Variants in WWOX observed in about 807,000 individuals in gnomAD.
WWOX encodes the protein WW domain-containing oxidoreductase.
Under a neutral mutation model 46.2 loss-of-function variants are expected in WWOX, and 69 were observed. The observed-to-expected ratio is 1.49, with a 90% CI of 1.23 to 1.82. The LOEUF (loss-of-function observed/expected upper bound fraction) is 1.82. Ranked by LOEUF, WWOX falls within the 40% of genes most tolerant of loss-of-function variation. WWOX has a pLI of 0.00. For missense variants in WWOX, 919 were observed against 542.6 expected (o/e 1.69, Z -6.89); for synonymous variants, 359 against 202.6 (o/e 1.77, Z -6.56).
chr16:78,653,397 C>T (rs1407804913), intron 8 of WWOX, among the ~76,000 whole-genome samples: 2 of 152,200 alleles, frequency 1.3e-5, no homozygotes, highest in Admixed American at 6.5e-5. Context: ...GATGACTCCC[C>T]AAAATCCTTT....
intron 8 of WWOX, among the ~76,000 whole-genome samples, chr16:79,106,193 C>T (rs960275875): frequency 1.4e-4 from 22 of 152,196 alleles, no homozygotes; most frequent in African/African-American, 5.1e-4. Flanking sequence ...AGCAAGCCTT[C>T]CAAGAGACTT....
At chr16:78,311,643 A>G (rs1202460826) in intron 5 of WWOX, among the ~76,000 whole-genome samples, 1 of 152,210 alleles carries the variant, frequency 6.6e-6, no homozygotes, top group African/African-American at 2.4e-5. Context: ...ACTTACTTCT[A>G]GTGGTAATGG....
At chr16:78,679,516 A>C (rs1419554301) in intron 8 of WWOX, among the ~76,000 whole-genome samples, 1 of 152,114 alleles carries the variant, frequency 6.6e-6, no homozygotes, top group East Asian at 1.9e-4. Context: ...GCACCACTGC[A>C]CTCCAGCCTG....
chr16:78,632,557 A>ATTT lies in WWOX; in HGVS notation c.1056+199824_1056+199826dup, dbSNP rs545062752. Reference sequence around the variant, plus strand: ...CTCTCTTCCCCCACTTACTTGGCCAATTTTTTTTTTTTTTTTTTTTTGGTG... The same window carrying ATTT: ...CTCTCTTCCCCCACTTACTTGGCCAATTTTTTTTTTTTTTTTTTTTTTTTGGTG... On this transcript the variant is annotated intron_variant, in intron 8 of 8. Transcript: ENST00000566780. Among the ~76,000 whole-genome samples, 32 of 74,740 alleles carry ATTT rather than the reference A, an allele frequency of 4.3e-4. 10 individuals carry two copies. The highest frequency in any genetic ancestry group is 5.3e-4 in the Non-Finnish European group (22 of 41,486). The allele number at this position is 74,740 out of a possible 152,430, so 49.0% of individuals were successfully genotyped here.
intron 5 of WWOX, among the ~76,000 whole-genome samples, chr16:78,277,196 A>AG (rs2079593002): frequency 6.6e-6 from 1 of 152,152 alleles, no homozygotes; most frequent in South Asian, 2.1e-4. Context: ...TTGAAAGGGG[A>AG]GGAAAAAAAG....
At chr16:79,130,954 G>A (rs9646322) in intron 8 of WWOX, among the ~76,000 whole-genome samples, 41,251 of 152,128 alleles carry the variant, frequency 0.27, 6,357 homozygotes, top group African/African-American at 0.4. Flanking sequence ...TTGGCCATAA[G>A]TGAAACTAGT....
At chr16:78,216,226 A>G (rs1282327148) in intron 5 of WWOX, among the ~76,000 whole-genome samples, 1 of 152,240 alleles carries the variant, frequency 6.6e-6, no homozygotes, top group Non-Finnish European at 1.5e-5. Context: ...TAATAATGAT[A>G]ATAGATACAA....
intron 5 of WWOX, among the ~76,000 whole-genome samples, chr16:78,367,719 G>A (rs1159249855): frequency 6.6e-6 from 1 of 151,970 alleles, no homozygotes; most frequent in Non-Finnish European, 1.5e-5. Context: ...TGTCACAATG[G>A]ACGGAGAACT....
intron 8 of WWOX, among the ~76,000 whole-genome samples, chr16:78,674,490 A>G (rs534075627): frequency 6.6e-6 from 1 of 151,860 alleles, no homozygotes; most frequent in African/African-American, 2.4e-5. Flanking sequence ...TCACCATGTT[A>G]GCCAGGCTGG....
chr16:78,414,768 T>C (rs1030988923), intron 6 of WWOX, among the ~76,000 whole-genome samples: 5 of 152,148 alleles, frequency 3.3e-5, no homozygotes, highest in Non-Finnish European at 7.3e-5. Flanking sequence ...ACAGGAACAG[T>C]TTAGTTTTGG....
At chr16:79,169,309 C>G (rs531232283) in intron 8 of WWOX, among the ~76,000 whole-genome samples, 1 of 152,280 alleles carries the variant, frequency 6.6e-6, no homozygotes, top group South Asian at 2.1e-4. Flanking sequence ...GCACAAAGGA[C>G]TTTGATCACA....
intron 5 of WWOX, among the ~76,000 whole-genome samples, chr16:78,324,684 T>TAA (rs2080570666): frequency 6.9e-6 from 1 of 144,788 alleles, no homozygotes; most frequent in African/African-American, 2.6e-5. Context: ...AGAAGTTAGT[T>TAA]ACAAAAGTCC....
chr16:78,744,422 C>CTTTTT (rs976073233), intron 8 of WWOX, among the ~76,000 whole-genome samples: 5 of 82,256 alleles, frequency 6.1e-5, no homozygotes, highest in African/African-American at 1.8e-4. Context: ...GTCCACACTG[C>CTTTTT]TTTTTTTTTT....
At chr16:78,390,331 T>C (rs1040725835) in intron 6 of WWOX, among the ~76,000 whole-genome samples, 2 of 152,246 alleles carry the variant, frequency 1.3e-5, no homozygotes, top group Non-Finnish European at 2.9e-5. Context: ...CATTAAGTAG[T>C]TGGGAAATCA....
chr16:78,652,580 G>A (rs190424856), intron 8 of WWOX, among the ~76,000 whole-genome samples: 11 of 152,178 alleles, frequency 7.2e-5, no homozygotes, highest in South Asian at 4.2e-4. Context: ...ATTTCTCAGC[G>A]TGTTCGGGGT....
rs151194092 is a variant in WWOX at position 78,236,218 on chromosome 16, G to A, written c.516+71929G>A. On this transcript the variant is annotated intron_variant, in intron 5 of 8. Coordinates refer to ENST00000566780, the MANE Select transcript of WWOX (RefSeq NM_016373.4). ...AGGTAATTAAAATGTTAATACGTTA[G>A]TTTTCTCACTGTCAATGTGTTCTAT... 3.2e-3 allele frequency among the ~76,000 whole-genome samples: 490 copies of A among 152,280 alleles called. 5 individuals carry two copies. The highest frequency in any genetic ancestry group is 0.011 in the African/African-American group (473 of 41,566).
At chr16:79,100,356 G>A (rs183227639) in intron 8 of WWOX, among the ~76,000 whole-genome samples, 2 of 152,182 alleles carry the variant, frequency 1.3e-5, no homozygotes, top group East Asian at 1.9e-4. Context: ...CCTGAGAAAC[G>A]AGACATTAGT....
intron 1 of WWOX, among the ~76,000 whole-genome samples, chr16:78,103,961 G>T (rs1354609832): frequency 6.6e-6 from 1 of 152,054 alleles, no homozygotes; most frequent in East Asian, 1.9e-4. Context: ...GCTCCCAGGG[G>T]TGAGGTCGAG....
At chr16:78,617,141 G>A (rs1395840569) in intron 8 of WWOX, among the ~76,000 whole-genome samples, 1 of 152,110 alleles carries the variant, frequency 6.6e-6, no homozygotes, top group African/African-American at 2.4e-5. Context: ...GCCTGTTGTG[G>A]TGGCTCACGC....
Sources: gnomAD v4.1 joint callset for allele counts (sites outside exome capture counted in the v4.1 genomes callset) on GRCh38, gnomAD v4.1.1 for gene constraint, MANE v1.5 for transcripts, NCBI Gene and HGNC (gene_info 2026-07-23, HGNC 2026-07-21) for gene names.